The following THNSL1 variants were observed in gnomAD, a reference collection of about 807,000 sequenced individuals.
THNSL1 encodes threonine synthase-like 1.
In THNSL1, 48 loss-of-function variants were observed where a neutral mutation model predicts 50.4. That is an observed-to-expected ratio of 0.95 (90% CI 0.76 to 1.21). The LOEUF is 1.21. Ranked by LOEUF, THNSL1 falls within the 50% of genes most tolerant of loss-of-function variation. THNSL1 has a pLI of 0.00. For missense variants in THNSL1, 896 were observed against 871.7 expected (o/e 1.03, Z -0.35); for synonymous variants, 309 against 306.1 (o/e 1.01, Z -0.10).
the THNSL1 span, among the ~76,000 whole-genome samples, chr10:24,971,961 C>T: frequency 6.1e-4 from 93 of 152,236 alleles, no homozygotes; most frequent in African/African-American, 1.9e-3. Context: ...GAGGCCTAGG[C>T]GGGCGGATCA....
At chr10:25,008,794 G>T in the THNSL1 span, among the ~76,000 whole-genome samples, 1 of 152,008 alleles carries the variant, frequency 6.6e-6, no homozygotes, top group African/African-American at 2.4e-5. Flanking sequence ...CTGCTATAAA[G>T]ACACATGCAC....
chr10:24,984,000 A>G, the THNSL1 span: 1 of 190,200 alleles, frequency 5.3e-6, no homozygotes. Flanking sequence ...GGAAAAAAAC[A>G]TTTAAATAAG....
At chr10:25,015,132 T>C (rs1405042972), upstream of THNSL1, among the ~76,000 whole-genome samples, 2 of 152,182 alleles carry the variant, frequency 1.3e-5, no homozygotes, top group Non-Finnish European at 2.9e-5. Flanking sequence ...TCCCCACAGA[T>C]TTAAGTAAGT....
At chr10:24,959,403 T>A in the THNSL1 span, among the ~76,000 whole-genome samples, 29 of 152,034 alleles carry the variant, frequency 1.9e-4, no homozygotes, top group Non-Finnish European at 1.6e-4. Flanking sequence ...GGGAAAGAGG[T>A]TGAGAGATGT....
the THNSL1 span, among the ~76,000 whole-genome samples, chr10:25,007,039 G>A: frequency 2.8e-3 from 423 of 152,262 alleles, 1 homozygote; most frequent in South Asian, 7.7e-3. Context: ...CTGATAAAAC[G>A]TTTAAAAATT....
At chr10:25,006,702 A>G in the THNSL1 span, among the ~76,000 whole-genome samples, 2 of 152,246 alleles carry the variant, frequency 1.3e-5, no homozygotes, top group African/African-American at 2.4e-5. Flanking sequence ...TCTGATATAT[A>G]ATAAATTATC....
At chr10:24,956,753 C>G in the THNSL1 span, among the ~76,000 whole-genome samples, 1 of 152,120 alleles carries the variant, frequency 6.6e-6, no homozygotes, top group Non-Finnish European at 1.5e-5. Flanking sequence ...GCAGGTGTCC[C>G]CAACTACCGG....
the THNSL1 span, among the ~76,000 whole-genome samples, chr10:24,978,952 AC>A: frequency 6.6e-6 from 1 of 152,218 alleles, no homozygotes; most frequent in Non-Finnish European, 1.5e-5. Context: ...TGTCAGTCAG[AC>A]CTGCTGATTT....
At chr10:25,018,433 A>T (rs1027387843) in intron 1 of THNSL1, among the ~76,000 whole-genome samples, 19 of 152,358 alleles carry the variant, frequency 1.2e-4, no homozygotes, top group East Asian at 1.2e-3. Context: ...TTTTAGGCCA[A>T]GTGGTTATGT....
chr10:25,019,947 T>A (rs998726517), intron 1 of THNSL1, among the ~76,000 whole-genome samples: 1 of 152,122 alleles, frequency 6.6e-6, no homozygotes, highest in Non-Finnish European at 1.5e-5. Context: ...ATATATGCCT[T>A]CTATGTATAT....
At chr10:24,974,776 A>T in the THNSL1 span, among the ~76,000 whole-genome samples, 1 of 152,146 alleles carries the variant, frequency 6.6e-6, no homozygotes, top group Non-Finnish European at 1.5e-5. Context: ...GACTTTCAGG[A>T]TTTACAACTG....
At chr10:25,017,186 G>A (rs1432646024) in intron 1 of THNSL1, among the ~76,000 whole-genome samples, 1 of 152,222 alleles carries the variant, frequency 6.6e-6, no homozygotes, top group Non-Finnish European at 1.5e-5. Context: ...CTTTTAAGTG[G>A]GCCTTTACGT....
In THNSL1 at chr10:25,025,707, G is replaced by A. The variant is rs929066508; in HGVS notation, c.*252G>A. On this transcript the variant is annotated 3_prime_UTR_variant, in exon 3 of 3. Coordinates refer to ENST00000376356, the MANE Select transcript of THNSL1 (RefSeq NM_024838.5). ...TCATACTTTTGCCTTCTGCTCATGAGGGGTGTATCAATTTCCACTCCCACA... is the reference window on the plus strand; with the variant it reads ...TCATACTTTTGCCTTCTGCTCATGAAGGGTGTATCAATTTCCACTCCCACA... The A allele has an allele frequency of 1.8e-5, 8 of 439,200 alleles. No homozygotes were observed. Among genetic ancestry groups the A allele is most frequent in the Non-Finnish European group, 3.4e-5 (8 of 237,924 alleles). 27.2% of individuals were successfully genotyped at this position (439,200 alleles called of 1,614,324 possible).
At chr10:25,005,964 G>A in the THNSL1 span, among the ~76,000 whole-genome samples, 1 of 152,138 alleles carries the variant, frequency 6.6e-6, no homozygotes, top group Non-Finnish European at 1.5e-5. Context: ...AAATGTGGCT[G>A]GTGCCACATG....
the THNSL1 span, among the ~76,000 whole-genome samples, chr10:25,001,694 T>C: frequency 2.0e-5 from 3 of 152,192 alleles, no homozygotes; most frequent in Admixed American, 6.5e-5. Context: ...TGGTATTCTT[T>C]ATGGTTAGAA....
the THNSL1 span, among the ~76,000 whole-genome samples, chr10:24,971,007 G>C: frequency 6.6e-6 from 1 of 152,190 alleles, no homozygotes; most frequent in Non-Finnish European, 1.5e-5. Context: ...TTGGGTGACA[G>C]AGTGAGGCTC....
chr10:25,013,650 A>G (rs1028360385), upstream of THNSL1, among the ~76,000 whole-genome samples: 3 of 152,252 alleles, frequency 2.0e-5, no homozygotes, highest in African/African-American at 7.2e-5. Flanking sequence ...AGACATCAAT[A>G]AAGGGTGATA....
chr10:24,996,454 G>GTATATATATA, the THNSL1 span, among the ~76,000 whole-genome samples: 2,506 of 149,282 alleles, frequency 0.017, 35 homozygotes, highest in African/African-American at 0.041. Flanking sequence ...GTGTGTGTGT[G>GTATATATATA]TGTATATATA....
the THNSL1 span, chr10:24,995,573 T>C: frequency 1.5e-6 from 2 of 1,299,962 alleles, no homozygotes; most frequent in Non-Finnish European, 2.2e-6. Flanking sequence ...AATGATAACA[T>C]AGATGATCAT....
Sources: allele counts gnomAD v4.1 joint callset (sites outside exome capture counted in the v4.1 genomes callset), GRCh38; gene constraint gnomAD v4.1.1; transcripts MANE v1.5; gene names NCBI Gene and HGNC (gene_info 2026-07-23, HGNC 2026-07-21).